NRXN1: variants seen among roughly 807,000 people sequenced by gnomAD.
The protein encoded by NRXN1 is neurexin-1.
A neutral mutation model predicts 150.9 loss-of-function variants in NRXN1; 39 were observed. That is an observed-to-expected ratio of 0.26 (90% CI 0.20 to 0.34). The LOEUF (loss-of-function observed/expected upper bound fraction) is 0.34. Ranked by LOEUF, NRXN1 falls within the 10% of genes least tolerant of loss-of-function variation. The pLI, the probability that NRXN1 is intolerant of heterozygous loss-of-function variation, is 1.00. For missense variants in NRXN1, 1,815 were observed against 1,949.9 expected (o/e 0.93, Z 1.30); for synonymous variants, 924 against 757.0 (o/e 1.22, Z -3.62).
chr2:50,998,723 C>G (rs1699643384), intron 2 of NRXN1, among the ~76,000 whole-genome samples: 1 of 151,982 alleles, frequency 6.6e-6, no homozygotes, highest in South Asian at 2.1e-4. Context: ...ACATTTTAAT[C>G]TTTTGTCAGT....
rs201356864 is a variant in NRXN1, at chr2:51,027,611, C to T, written c.663G>A (p.Glu221=). The stretch of plus-strand genomic sequence containing the variant: ...TGAGGCACACCCCGCCCTCGCCCTC[C>T]TCGCCCGCCTCGCACGGGCTTCCCC... ...SGGGSPCEAG[E]EGEGGVCLNG... The change falls in exon 2 of 23, where the codon GAG becomes GAA. Residue 221 remains glutamate, a synonymous_variant. Coordinates refer to ENST00000401669, the MANE Select transcript of NRXN1 (RefSeq NM_001330078.2). The T allele has an allele frequency of 1.9e-6, 3 of 1,587,232 alleles. No individual in the cohort carries two copies. The highest frequency in any genetic ancestry group is 2.6e-6 in the Non-Finnish European group (3 of 1,167,006).
chr2:50,213,249 G>T (rs1200454556), intron 18 of NRXN1, among the ~76,000 whole-genome samples: 4 of 151,836 alleles, frequency 2.6e-5, no homozygotes, highest in African/African-American at 9.7e-5. Flanking sequence ...TTAGGTGCTG[G>T]ATATACAGAA....
intron 17 of NRXN1, among the ~76,000 whole-genome samples, chr2:50,350,098 C>T (rs1310814303): frequency 1.3e-5 from 2 of 152,192 alleles, no homozygotes; most frequent in Non-Finnish European, 2.9e-5. Flanking sequence ...AAATACAGGG[C>T]TATGTTCCTG....
At chr2:50,396,787 G>T (rs150686256) in intron 17 of NRXN1, among the ~76,000 whole-genome samples, 1 of 151,998 alleles carries the variant, frequency 6.6e-6, no homozygotes, top group African/African-American at 2.4e-5. Context: ...AATGTAAGAT[G>T]ATTTCTCAAA....
intron 17 of NRXN1, among the ~76,000 whole-genome samples, chr2:50,310,368 T>G (rs575740481): frequency 6.6e-6 from 1 of 152,134 alleles, no homozygotes; most frequent in Non-Finnish European, 1.5e-5. Flanking sequence ...CAGAAATAAC[T>G]AACTACAATT....
chr2:50,095,281 G>A (rs925035386), intron 18 of NRXN1, among the ~76,000 whole-genome samples: 9 of 152,148 alleles, frequency 5.9e-5, no homozygotes, highest in African/African-American at 2.2e-4. Flanking sequence ...CTTCCCTGGT[G>A]GTTAGAAAGA....
chr2:50,239,662 G>GTATATATATATA (rs59505952), intron 17 of NRXN1, among the ~76,000 whole-genome samples: 8 of 47,284 alleles, frequency 1.7e-4, no homozygotes, highest in Non-Finnish European at 2.2e-4. Context: ...ACCTATTCCA[G>GTATATATATATA]TATATATATA....
intron 17 of NRXN1, among the ~76,000 whole-genome samples, chr2:50,266,884 C>T (rs1973754): frequency 0.66 from 100,377 of 152,040 alleles, 34,199 homozygotes; most frequent in African/African-American, 0.82. Flanking sequence ...CTTGGATAAA[C>T]AAGTATAGAA....
At chr2:50,202,722 ATT>A in intron 18 of NRXN1, among the ~76,000 whole-genome samples, 1 of 152,136 alleles carries the variant, frequency 6.6e-6, no homozygotes, top group African/African-American at 2.4e-5. Flanking sequence ...TATAAAGTAT[ATT>A]AGGGGAGGCA....
At chr2:50,348,350 A>C (rs542243263) in intron 17 of NRXN1, among the ~76,000 whole-genome samples, 2 of 152,350 alleles carry the variant, frequency 1.3e-5, no homozygotes, top group Admixed American at 1.3e-4. Flanking sequence ...AAGTGGAAGA[A>C]TGGGAAGAGA....
chr2:50,640,173 T>G (rs1205538248), intron 5 of NRXN1, among the ~76,000 whole-genome samples: 2 of 152,118 alleles, frequency 1.3e-5, no homozygotes, highest in Non-Finnish European at 2.9e-5. Flanking sequence ...ACCTCAATGT[T>G]CTCTTTTAAT....
At chr2:50,523,393 G>C (rs931485823) in intron 12 of NRXN1, among the ~76,000 whole-genome samples, 3 of 151,924 alleles carry the variant, frequency 2.0e-5, no homozygotes, top group Non-Finnish European at 4.4e-5. Flanking sequence ...AGGCAGAGGC[G>C]AAAGACTCCC....
intron 13 of NRXN1, among the ~76,000 whole-genome samples, chr2:50,504,721 A>G (rs2092132579): frequency 1.3e-5 from 2 of 152,164 alleles, no homozygotes; most frequent in East Asian, 1.9e-4. Flanking sequence ...CTTACTCTTC[A>G]GTTTAAGTGC....
chr2:50,165,054 G>A (rs532478563), intron 18 of NRXN1, among the ~76,000 whole-genome samples: 30 of 152,092 alleles, frequency 2.0e-4, no homozygotes, highest in Non-Finnish European at 4.1e-4. Flanking sequence ...TAGGGTGAAA[G>A]AACCTAAAAA....
chr2:50,680,102 T>C (rs1690157502), intron 5 of NRXN1, among the ~76,000 whole-genome samples: 1 of 152,066 alleles, frequency 6.6e-6, no homozygotes, highest in South Asian at 2.1e-4. Context: ...TGAGCTGTGA[T>C]TGCACCTCTG....
intron 17 of NRXN1, among the ~76,000 whole-genome samples, chr2:50,435,118 G>A (rs1356127702): frequency 6.6e-6 from 1 of 152,068 alleles, no homozygotes; most frequent in Admixed American, 6.5e-5. Context: ...GCATTTTAGA[G>A]ACAGAAAAAA....
intron 5 of NRXN1, among the ~76,000 whole-genome samples, chr2:50,702,745 C>T (rs1247866690): frequency 6.6e-6 from 1 of 152,012 alleles, no homozygotes; most frequent in Non-Finnish European, 1.5e-5. Context: ...AACACTGTAT[C>T]GAATATGTTT....
chr2:49,950,277 G>A (rs2104447378), intron 21 of NRXN1, among the ~76,000 whole-genome samples: 1 of 151,996 alleles, frequency 6.6e-6, no homozygotes, highest in African/African-American at 2.4e-5. Context: ...GAATTTAGAG[G>A]CTGTCTAGAT....
chr2:50,623,239 A>G, intron 6 of NRXN1, 75 bp downstream of exon 6: 3 of 1,170,126 alleles, frequency 2.6e-6, no homozygotes, highest in Non-Finnish European at 3.7e-6. Context: ...TCATGTTGTT[A>G]GAGTATTTAA....
Sources: allele counts gnomAD v4.1 joint callset (sites outside exome capture counted in the v4.1 genomes callset), GRCh38; gene constraint gnomAD v4.1.1; transcripts MANE v1.5; gene names NCBI Gene and HGNC (gene_info 2026-07-23, HGNC 2026-07-21).